The following UVRAG variants were observed in gnomAD, a reference collection of about 807,000 sequenced individuals.
The protein encoded by UVRAG is UV radiation resistance associated, also known as UV radiation resistance-associated gene protein.
UVRAG carries 19 observed loss-of-function variants against 78.0 expected under a neutral mutation model. The ratio of observed to expected loss-of-function variants is 0.24; its 90% CI spans 0.17 to 0.36. UVRAG has a LOEUF of 0.36. Ranked by LOEUF, UVRAG falls within the 10% of genes least tolerant of loss-of-function variation. The pLI is 1.00. For synonymous variants in UVRAG, 323 were observed against 324.6 expected, an observed-to-expected ratio of 1.00 and a Z score of 0.05; for missense variants, 740 against 853.8, an observed-to-expected ratio of 0.87 and a Z score of 1.66.
chr11:76,125,989 A>G (rs1488157440), intron 14 of UVRAG, among the ~76,000 whole-genome samples: 1 of 145,124 alleles, frequency 6.9e-6, no homozygotes, highest in Admixed American at 7.0e-5. Context: ...TCGCTCTGTC[A>G]CCCAGGCTGG....
intron 8 of UVRAG, among the ~76,000 whole-genome samples, chr11:75,998,860 C>G (rs753239872): frequency 6.6e-6 from 1 of 152,194 alleles, no homozygotes; most frequent in African/African-American, 2.4e-5. Context: ...GTTAGGAAAT[C>G]TTTGTTCTTC....
At chr11:76,077,651 G>T (rs1021391080) in intron 13 of UVRAG, among the ~76,000 whole-genome samples, 4 of 152,076 alleles carry the variant, frequency 2.6e-5, no homozygotes, top group African/African-American at 7.2e-5. Context: ...TTTACATTTA[G>T]ATAAACTGAG....
At chr11:76,140,248 G>T (rs1240919696) in intron 14 of UVRAG, among the ~76,000 whole-genome samples, 1 of 151,244 alleles carries the variant, frequency 6.6e-6, no homozygotes, top group Non-Finnish European at 1.5e-5. Flanking sequence ...CACTGAGCAT[G>T]GGCAAGTCAT....
chr11:75,974,261 T>C (rs1234668638), intron 7 of UVRAG, among the ~76,000 whole-genome samples: 1 of 152,086 alleles, frequency 6.6e-6, no homozygotes, highest in African/African-American at 2.4e-5. Flanking sequence ...TGGTGTGAGA[T>C]GGTATCTCAT....
At chr11:75,857,861 T>A (rs1946328688) in intron 2 of UVRAG, among the ~76,000 whole-genome samples, 1 of 151,800 alleles carries the variant, frequency 6.6e-6, no homozygotes, top group Non-Finnish European at 1.5e-5. Flanking sequence ...TCAGAGAAAG[T>A]CTCCTTGATC....
chr11:75,999,948 A>G (rs1186578498), intron 8 of UVRAG, among the ~76,000 whole-genome samples: 1 of 152,188 alleles, frequency 6.6e-6, no homozygotes, highest in African/African-American at 2.4e-5. Flanking sequence ...CGGATAAGGT[A>G]TGCTCAACTT....
chr11:75,947,294 T>C (rs1408512898), intron 6 of UVRAG, among the ~76,000 whole-genome samples: 1 of 152,126 alleles, frequency 6.6e-6, no homozygotes. Flanking sequence ...TTCCTTCACC[T>C]TGTAAAGTAA....
At chr11:75,933,921 CCA>C (rs1948300956) in intron 6 of UVRAG, among the ~76,000 whole-genome samples, 1 of 152,152 alleles carries the variant, frequency 6.6e-6, no homozygotes, top group Non-Finnish European at 1.5e-5. Context: ...ATTAGTACAA[CCA>C]CTATGGAGAA....
intron 12 of UVRAG, among the ~76,000 whole-genome samples, chr11:76,051,041 G>A (rs1950855755): frequency 6.6e-6 from 1 of 152,132 alleles, no homozygotes; most frequent in African/African-American, 2.4e-5. Flanking sequence ...CCTGTTATCA[G>A]CACTGTATAA....
intron 6 of UVRAG, 57 bp from the exon 7 acceptor site, chr11:75,961,387 C>A: frequency 7.4e-7 from 1 of 1,351,836 alleles, no homozygotes; most frequent in African/African-American, 1.5e-5. Context: ...ATATCTGAGG[C>A]TCTTTGTTGA....
At chr11:75,864,384 CT>C (rs1946491888) in intron 3 of UVRAG, among the ~76,000 whole-genome samples, 1 of 152,146 alleles carries the variant, frequency 6.6e-6, no homozygotes, top group African/African-American at 2.4e-5. Context: ...TGAGGGAGCT[CT>C]TTTTTCTTAG....
chr11:75,833,013 T>C (rs1380522892), intron 1 of UVRAG, among the ~76,000 whole-genome samples: 1 of 152,206 alleles, frequency 6.6e-6, no homozygotes, highest in Non-Finnish European at 1.5e-5. Flanking sequence ...AGTTTGGAGT[T>C]AGATTGTAAA....
chr11:75,929,405 G>A (rs561312144), intron 6 of UVRAG, among the ~76,000 whole-genome samples: 6 of 152,198 alleles, frequency 3.9e-5, no homozygotes, highest in South Asian at 2.1e-4. Flanking sequence ...AAACAGTAGC[G>A]GAATGAAAAT....
intron 10 of UVRAG, 124 bp from the exon 11 acceptor site, chr11:76,008,683 A>C: frequency 2.0e-6 from 1 of 499,252 alleles, no homozygotes; most frequent in Non-Finnish European, 3.6e-6. Context: ...TCCAGCTTCA[A>C]CAATTATGAT....
intron 13 of UVRAG, among the ~76,000 whole-genome samples, chr11:76,073,335 C>T (rs113739770): frequency 5.3e-5 from 8 of 152,250 alleles, no homozygotes; most frequent in African/African-American, 1.7e-4. Flanking sequence ...GAAAGAATGA[C>T]TGACAAATTA....
At chr11:75,954,611 C>G (rs543525252) in intron 6 of UVRAG, among the ~76,000 whole-genome samples, 76 of 152,270 alleles carry the variant, frequency 5.0e-4, no homozygotes, top group African/African-American at 1.8e-3. Flanking sequence ...TCAAAAATGT[C>G]AAATTTTGGG....
chr11:75,971,626 A>C (rs771019949), intron 7 of UVRAG, among the ~76,000 whole-genome samples: 1 of 151,880 alleles, frequency 6.6e-6, no homozygotes, highest in Non-Finnish European at 1.5e-5. Context: ...TGCCATCTAT[A>C]TATCTTCTTT....
intron 13 of UVRAG, among the ~76,000 whole-genome samples, chr11:76,074,039 T>A (rs1951362710): frequency 6.6e-6 from 1 of 152,204 alleles, no homozygotes; most frequent in African/African-American, 2.4e-5. Flanking sequence ...GAAAATTTGC[T>A]TATTTTTCAT....
At chr11:75,896,686 A>C (rs1390917740) in intron 5 of UVRAG, among the ~76,000 whole-genome samples, 2 of 152,224 alleles carry the variant, frequency 1.3e-5, no homozygotes, top group Non-Finnish European at 2.9e-5. Flanking sequence ...TTAGTGAATG[A>C]AGGTGAATGC....
Sources: gnomAD v4.1 joint callset for allele counts (sites outside exome capture counted in the v4.1 genomes callset) on GRCh38, gnomAD v4.1.1 for gene constraint, MANE v1.5 for transcripts, NCBI Gene and HGNC (gene_info 2026-07-23, HGNC 2026-07-21) for gene names.